GYPE: variants seen among roughly 807,000 people sequenced by gnomAD.
GYPE encodes the protein glycophorin-E.
GYPE carries 8 observed loss-of-function variants against 11.6 expected under a neutral mutation model. That is an observed-to-expected ratio of 0.69 (90% CI 0.41 to 1.25). GYPE has a LOEUF of 1.25. Among genes scored for constraint, GYPE ranks in the 50% most tolerant of loss-of-function variants. GYPE has a pLI of 0.01. For synonymous variants in GYPE, 28 were observed against 29.6 expected (o/e 0.94, Z 0.18); for missense variants, 90 against 92.8 (o/e 0.97, Z 0.12).
intron 1 of GYPE, among the ~76,000 whole-genome samples, chr4:143,889,331 A>G (rs1483340260): frequency 6.6e-6 from 1 of 152,048 alleles, no homozygotes. Flanking sequence ...GCCAGTGCAC[A>G]TTCTTCAGCC....
At chr4:143,873,293 A>T (rs1743680001) in intron 3 of GYPE, 1 of 368,254 alleles carries the variant, frequency 2.7e-6, no homozygotes, top group Non-Finnish European at 5.3e-6. Flanking sequence ...TAAGACTTAC[A>T]TTAAACTGAT....
At chr4:143,903,938 C>T (rs2149918723) in intron 1 of GYPE, among the ~76,000 whole-genome samples, 1 of 152,242 alleles carries the variant, frequency 6.6e-6, no homozygotes, top group South Asian at 2.1e-4. Flanking sequence ...TGAGTTACAT[C>T]CAGTTTGGTT....
rs373132511 is a variant in GYPE at position 143,899,813 on chromosome 4, A to T, written c.37+5658T>A. Reference sequence around the variant, plus strand: ...CATACAGAAAAATTAACTGATAATAAACCAAAGATCTAAATATAAGAGAAG... The same window carrying T: ...CATACAGAAAAATTAACTGATAATATACCAAAGATCTAAATATAAGAGAAG... On this transcript the variant is annotated intron_variant, in intron 1 of 3. Transcript: ENST00000358615. 9.7e-4 allele frequency among the ~76,000 whole-genome samples: 37 copies of T among 38,140 alleles called. 3 individuals carry two copies. Among genetic ancestry groups the T allele is most frequent in the African/African-American group, 1.9e-3 (36 of 19,168 alleles). The allele number at this position is 38,140 out of a possible 152,430, so 25.0% of individuals were successfully genotyped here. A position where few individuals can be genotyped will look rare whatever the true frequency, so the allele number is the denominator to read the frequency against.
At chr4:143,904,012 G>T (rs148033369) in intron 1 of GYPE, among the ~76,000 whole-genome samples, 2,562 of 152,016 alleles carry the variant, frequency 0.017, 91 homozygotes, top group African/African-American at 0.059. Flanking sequence ...TCAAATATAT[G>T]AATACATATA....
chr4:143,897,890 A>G (rs1744715557), intron 1 of GYPE, among the ~76,000 whole-genome samples: 2 of 152,296 alleles, frequency 1.3e-5, no homozygotes, highest in African/African-American at 2.4e-5. Context: ...CAAGTAGGCT[A>G]TATACTTTAG....
chr4:143,901,207 A>T (rs1231462301), intron 1 of GYPE, among the ~76,000 whole-genome samples: 5 of 152,254 alleles, frequency 3.3e-5, no homozygotes, highest in African/African-American at 7.2e-5. Context: ...ATTTTTCCAG[A>T]GCTTACATAT....
At chr4:143,896,284 C>G (rs1381813391) in intron 1 of GYPE, among the ~76,000 whole-genome samples, 2 of 152,104 alleles carry the variant, frequency 1.3e-5, no homozygotes, top group African/African-American at 4.8e-5. Flanking sequence ...TATCCAGAAT[C>G]TACAATGAAC....
intron 3 of GYPE, among the ~76,000 whole-genome samples, chr4:143,875,101 T>C (rs1459262778): frequency 6.6e-6 from 1 of 152,132 alleles, no homozygotes; most frequent in Non-Finnish European, 1.5e-5. Flanking sequence ...CTTGACTGAA[T>C]CTTGTTCTTT....
At chr4:143,896,341 G>A (rs1578975616) in intron 1 of GYPE, among the ~76,000 whole-genome samples, 2 of 152,070 alleles carry the variant, frequency 1.3e-5, no homozygotes, top group African/African-American at 4.8e-5. Flanking sequence ...TCAAAAAGTG[G>A]GCAAAGGATA....
At chr4:143,901,422 GAAA>G (rs33971060) in intron 1 of GYPE, among the ~76,000 whole-genome samples, 3 of 151,702 alleles carry the variant, frequency 2.0e-5, no homozygotes, top group Admixed American at 2.0e-4. Flanking sequence ...TTTAAAATGA[GAAA>G]AAAAAAATAA....
intron 1 of GYPE, among the ~76,000 whole-genome samples, chr4:143,890,316 GA>G (rs1402336489): frequency 2.6e-5 from 4 of 152,106 alleles, no homozygotes; most frequent in Admixed American, 2.0e-4. Context: ...CAGAACAAAA[GA>G]GGATTTCACA....
At chr4:143,893,928 C>G (rs1209545730) in intron 1 of GYPE, among the ~76,000 whole-genome samples, 2 of 152,126 alleles carry the variant, frequency 1.3e-5, no homozygotes, top group African/African-American at 4.8e-5. Context: ...TTCCATTCTC[C>G]CCATCACTTT....
At position 143,876,602 on chromosome 4, in the gene GYPE, A is replaced by G. The variant is rs574645530; in HGVS notation, c.*9+144T>C. 8 of 582,434 alleles carry G rather than the reference A, an allele frequency of 1.4e-5. No individual in the cohort carries two copies. In the East Asian group the frequency reaches 1.8e-4, roughly 13 times the overall value. The allele number at this position is 582,434 out of a possible 1,614,324, so 36.1% of individuals were successfully genotyped here. A position where few individuals can be genotyped will look rare whatever the true frequency, so the allele number is the denominator to read the frequency against. ...AAAATAAATTATGCTAGAGAAACACAGTGACTTCTATGTGTCCAGTTGAAA... is the reference window on the plus strand; with the variant it reads ...AAAATAAATTATGCTAGAGAAACACGGTGACTTCTATGTGTCCAGTTGAAA... On this transcript the variant is annotated intron_variant, in intron 3 of 3. Coordinates refer to ENST00000358615, the MANE Select transcript of GYPE (RefSeq NM_198682.3).
At chr4:143,905,288 C>T (rs980809552) in intron 1 of GYPE, among the ~76,000 whole-genome samples, 183 bp downstream of exon 1, 5 of 152,134 alleles carry the variant, frequency 3.3e-5, no homozygotes, top group African/African-American at 1.2e-4. Flanking sequence ...ATACTGGGCT[C>T]CCTTGTGCCA....
At chr4:143,894,839 G>T (rs1047392489) in intron 1 of GYPE, among the ~76,000 whole-genome samples, 1 of 151,962 alleles carries the variant, frequency 6.6e-6, no homozygotes, top group Non-Finnish European at 1.5e-5. Context: ...GGGATGCAAG[G>T]CTGGTTCAAT....
At chr4:143,875,516 T>C (rs1743761690) in intron 3 of GYPE, 1 of 1,550,952 alleles carries the variant, frequency 6.4e-7, no homozygotes, top group Non-Finnish European at 8.7e-7. Context: ...ATGCCTGTGA[T>C]AAAAAGACAG....
chr4:143,900,942 C>T (rs371542169), intron 1 of GYPE, among the ~76,000 whole-genome samples: 73 of 152,076 alleles, frequency 4.8e-4, no homozygotes, highest in African/African-American at 1.5e-3. Context: ...TAAATGCTAC[C>T]GATTGTACAC....
intron 1 of GYPE, 69 bp downstream of exon 1, chr4:143,905,402 G>T: frequency 6.2e-7 from 1 of 1,607,746 alleles, no homozygotes; most frequent in Non-Finnish European, 8.5e-7. Context: ...CTAAAATAGG[G>T]TAGTTTACAT....
At chr4:143,897,081 A>G (rs1744681496) in intron 1 of GYPE, among the ~76,000 whole-genome samples, 1 of 152,076 alleles carries the variant, frequency 6.6e-6, no homozygotes, top group Non-Finnish European at 1.5e-5. Context: ...TGGGTGCAGC[A>G]CACCAGCATG....
Sources: gnomAD v4.1 joint callset for allele counts (sites outside exome capture counted in the v4.1 genomes callset) on GRCh38, gnomAD v4.1.1 for gene constraint, MANE v1.5 for transcripts, NCBI Gene and HGNC (gene_info 2026-07-23, HGNC 2026-07-21) for gene names.